Variants in MAN1A1 observed in about 807,000 individuals in gnomAD.
The protein encoded by MAN1A1 is mannosyl-oligosaccharide 1,2-alpha-mannosidase IA.
Under a neutral mutation model 70.8 loss-of-function variants are expected in MAN1A1, and 29 were observed. That is an observed-to-expected ratio of 0.41 (90% CI 0.31 to 0.56). MAN1A1 has a LOEUF of 0.56. Among genes scored for constraint, MAN1A1 ranks in the 20% least tolerant of loss-of-function variants. The pLI is 0.29. For synonymous variants in MAN1A1, 349 were observed against 330.1 expected, an observed-to-expected ratio of 1.06 and a Z score of -0.62; for missense variants, 747 against 841.3, an observed-to-expected ratio of 0.89 and a Z score of 1.39.
chr6:119,211,990 A>G (rs1257184952), intron 6 of MAN1A1, among the ~76,000 whole-genome samples: 1 of 151,628 alleles, frequency 6.6e-6, no homozygotes, highest in African/African-American at 2.4e-5. Flanking sequence ...ACAGGTGCCC[A>G]CCACCATGCC....
At chr6:119,349,322 C>G in intron 1 of MAN1A1, 35 bp from the exon 2 acceptor site, 1 of 1,171,026 alleles carries the variant, frequency 8.5e-7, no homozygotes, top group Non-Finnish European at 1.1e-6. Flanking sequence ...GTAGTAATTA[C>G]GGCGATGATA....
chr6:119,283,405 A>G (rs1440456863), intron 5 of MAN1A1, among the ~76,000 whole-genome samples: 3 of 152,368 alleles, frequency 2.0e-5, no homozygotes, highest in African/African-American at 7.2e-5. Context: ...TACAGTGTTA[A>G]GCATGAGGAT....
chr6:119,274,464 T>G (rs753971536), intron 5 of MAN1A1, among the ~76,000 whole-genome samples: 15 of 152,238 alleles, frequency 9.9e-5, no homozygotes, highest in Non-Finnish European at 2.2e-4. Flanking sequence ...TCAAAATTTA[T>G]GTCTGTTGAT....
chr6:119,195,852 T>A (rs76028690), intron 8 of MAN1A1, among the ~76,000 whole-genome samples: 7,086 of 152,306 alleles, frequency 0.047, 206 homozygotes, highest in East Asian at 0.082. Context: ...AAATATATTT[T>A]AAAAATTCTA....
chr6:119,189,375 G>A (rs1031854126), intron 10 of MAN1A1, among the ~76,000 whole-genome samples: 2 of 152,190 alleles, frequency 1.3e-5, no homozygotes, highest in Non-Finnish European at 2.9e-5. Context: ...TCTTTGCAGG[G>A]AGATAGAGAC....
chr6:119,252,488 C>T (rs1191596748), intron 5 of MAN1A1, among the ~76,000 whole-genome samples: 1 of 152,136 alleles, frequency 6.6e-6, no homozygotes, highest in East Asian at 1.9e-4. Context: ...ACATACAGTG[C>T]AGTCTTGATT....
chr6:119,248,326 C>T lies in MAN1A1; in HGVS notation c.926G>A (p.Gly309Glu). Residue 309 changes from glycine (G) to glutamate (E), a missense_variant, in exon 6 of 13, where the codon GGG (glycine) becomes GAG (glutamate). Coordinates refer to ENST00000368468, the MANE Select transcript of MAN1A1 (RefSeq NM_005907.4). ...ATGAAATGCAGGTAGCAATTTTACC[C>T]CAAGTTCCACTGCTTTCTTTCGAAA... ...EIFRKKAVELGVKLLPAFHTP... is the reference protein window; with the variant it reads ...EIFRKKAVELEVKLLPAFHTP... The T allele has an allele frequency of 6.2e-7, 1 of 1,612,802 alleles. No homozygotes were observed. Among genetic ancestry groups the T allele is most frequent in the South Asian group, 1.1e-5 (1 of 91,032 alleles).
At chr6:119,197,779 T>G (rs570406680) in intron 8 of MAN1A1, among the ~76,000 whole-genome samples, 7 of 151,676 alleles carry the variant, frequency 4.6e-5, no homozygotes, top group Non-Finnish European at 8.8e-5. Flanking sequence ...GAGCTAAGAC[T>G]CATCAATCCT....
chr6:119,302,167 C>A, intron 3 of MAN1A1, 64 bp from the exon 4 acceptor site: 1 of 745,872 alleles, frequency 1.3e-6, no homozygotes, highest in South Asian at 1.7e-5. Context: ...GTAAATTGAC[C>A]ATAACTAAGA....
At chr6:119,306,617 G>A (rs1772532055) in intron 3 of MAN1A1, among the ~76,000 whole-genome samples, 1 of 152,146 alleles carries the variant, frequency 6.6e-6, no homozygotes, top group Non-Finnish European at 1.5e-5. Context: ...TTATGATACT[G>A]CACCCTATAA....
intron 6 of MAN1A1, among the ~76,000 whole-genome samples, chr6:119,232,207 C>T (rs937378067): frequency 5.2e-4 from 79 of 151,682 alleles, no homozygotes; most frequent in Non-Finnish European, 1.0e-4. Flanking sequence ...CTCGTCTCTA[C>T]TAAAAAATGC....
intron 2 of MAN1A1, among the ~76,000 whole-genome samples, chr6:119,319,163 T>TAAA (rs1182447422): frequency 6.6e-6 from 1 of 152,070 alleles, no homozygotes; most frequent in Admixed American, 6.6e-5. Flanking sequence ...CAGTACCATC[T>TAAA]TTAAGGCAAG....
chr6:119,245,296 T>A (rs1407083540), intron 6 of MAN1A1, among the ~76,000 whole-genome samples: 1 of 152,134 alleles, frequency 6.6e-6, no homozygotes, highest in East Asian at 1.9e-4. Context: ...TTTTGCCAGA[T>A]ATATGTTTCC....
intron 12 of MAN1A1, 46 bp from the exon 13 acceptor site, chr6:119,179,991 G>A (rs1451674889): frequency 6.3e-7 from 1 of 1,598,150 alleles, no homozygotes; most frequent in Admixed American, 1.7e-5. Context: ...CACTAGGCAG[G>A]CAGTGAAACC....
chr6:119,322,159 T>C (rs1254222852), intron 2 of MAN1A1, among the ~76,000 whole-genome samples: 3 of 152,172 alleles, frequency 2.0e-5, no homozygotes, highest in Non-Finnish European at 2.9e-5. Flanking sequence ...CATTCATTCC[T>C]TCCACAATCA....
chr6:119,310,711 G>C (rs1174462058), intron 2 of MAN1A1, among the ~76,000 whole-genome samples: 1 of 152,170 alleles, frequency 6.6e-6, no homozygotes, highest in Non-Finnish European at 1.5e-5. Context: ...CTGTGAAGCA[G>C]TAAAAGCCAT....
At chr6:119,291,537 T>TC (rs905374534) in intron 4 of MAN1A1, among the ~76,000 whole-genome samples, 1 of 149,896 alleles carries the variant, frequency 6.7e-6, no homozygotes, top group African/African-American at 2.5e-5. Context: ...ATTTTTTTTT[T>TC]CTGCTCTGCA....
At chr6:119,271,936 C>T (rs1448010082) in intron 5 of MAN1A1, among the ~76,000 whole-genome samples, 1 of 152,130 alleles carries the variant, frequency 6.6e-6, no homozygotes, top group Admixed American at 6.5e-5. Context: ...AGACAAGTAC[C>T]TCGTATCCTA....
chr6:119,232,884 G>T (rs532695920), intron 6 of MAN1A1, among the ~76,000 whole-genome samples: 1 of 151,854 alleles, frequency 6.6e-6, no homozygotes, highest in Non-Finnish European at 1.5e-5. Flanking sequence ...ATTTTGTAAC[G>T]TCTTCAGTTT....
Sources: allele counts gnomAD v4.1 joint callset (sites outside exome capture counted in the v4.1 genomes callset), GRCh38; gene constraint gnomAD v4.1.1; transcripts MANE v1.5; gene names NCBI Gene and HGNC (gene_info 2026-07-23, HGNC 2026-07-21).